Variants in RBKS observed in about 807,000 individuals in gnomAD.
RBKS encodes the protein ribokinase.
RBKS carries 33 observed loss-of-function variants against 33.9 expected under a neutral mutation model. That is an observed-to-expected ratio of 0.97 (90% CI 0.74 to 1.30). The LOEUF (loss-of-function observed/expected upper bound fraction) is 1.30, where lower values mean the gene tolerates loss of function less well. RBKS is among the 50% of genes most tolerant of loss of function. The probability of loss-of-function intolerance (pLI) is 0.00; values close to 1 mark genes in which losing one functional copy is unlikely to be tolerated. For missense variants in RBKS, 361 were observed against 392.6 expected (o/e 0.92, Z 0.68); for synonymous variants, 125 against 143.0 (o/e 0.87, Z 0.90).
intron 7 of RBKS, among the ~76,000 whole-genome samples, chr2:27,805,378 A>G (rs1322182923): frequency 6.6e-6 from 1 of 152,132 alleles, no homozygotes; most frequent in African/African-American, 2.4e-5. Flanking sequence ...TCCTCCTTGA[A>G]GGTCCAGACA....
At chr2:27,864,202 T>C (rs1298481702) in intron 1 of RBKS, among the ~76,000 whole-genome samples, 1 of 151,898 alleles carries the variant, frequency 6.6e-6, no homozygotes, top group African/African-American at 2.4e-5. Context: ...AATTTTTTTT[T>C]TGTAGAAATG....
chr2:27,799,858 C>T (rs1245735881), intron 7 of RBKS, among the ~76,000 whole-genome samples: 2 of 152,142 alleles, frequency 1.3e-5, no homozygotes, highest in Non-Finnish European at 2.9e-5. Flanking sequence ...CGCTCTCTTC[C>T]AAGTTCTAAA....
chr2:27,782,047 C>A (rs1421160921), intron 7 of RBKS, among the ~76,000 whole-genome samples: 3 of 152,118 alleles, frequency 2.0e-5, no homozygotes, highest in African/African-American at 7.2e-5. Context: ...GCTTAATGTC[C>A]TTTTTCTGTT....
intron 1 of RBKS, chr2:27,861,658 C>CTT: frequency 3.1e-6 from 1 of 317,710 alleles, no homozygotes; most frequent in Admixed American, 4.2e-5. Context: ...TGTTCCATTT[C>CTT]TTTTTGGGGG....
intron 4 of RBKS, among the ~76,000 whole-genome samples, chr2:27,844,999 T>C (rs1056149100): frequency 3.3e-5 from 5 of 152,232 alleles, no homozygotes; most frequent in Non-Finnish European, 7.3e-5. Context: ...GATGTGTTTG[T>C]TGGCCACGAG....
chr2:27,818,039 G>A (rs367997830), intron 7 of RBKS, among the ~76,000 whole-genome samples: 3 of 152,262 alleles, frequency 2.0e-5, no homozygotes, highest in African/African-American at 7.2e-5. Flanking sequence ...AGCTGGAGTT[G>A]CATCATGGTG....
At chr2:27,815,637 T>C (rs1336455489) in intron 7 of RBKS, among the ~76,000 whole-genome samples, 2 of 152,172 alleles carry the variant, frequency 1.3e-5, no homozygotes, top group Non-Finnish European at 2.9e-5. Flanking sequence ...CCTAGGAAGA[T>C]GGGCGAGGAG....
chr2:27,801,051 A>G (rs1486792006), intron 7 of RBKS, among the ~76,000 whole-genome samples: 2 of 152,174 alleles, frequency 1.3e-5, no homozygotes, highest in Non-Finnish European at 2.9e-5. Context: ...AGTAATGCCA[A>G]CTTGATGGAG....
intron 7 of RBKS, among the ~76,000 whole-genome samples, chr2:27,792,408 A>T (rs980964690): frequency 6.6e-6 from 1 of 152,264 alleles, no homozygotes; most frequent in Non-Finnish European, 1.5e-5. Context: ...ATTAAAAAAC[A>T]GCTCAACTTT....
intron 5 of RBKS, 149 bp downstream of exon 5, chr2:27,842,918 T>TCA: frequency 1.9e-6 from 1 of 528,530 alleles, no homozygotes. Context: ...TCTAACATTA[T>TCA]CAAGAACCAC....
At chr2:27,858,704 C>T (rs756151948) in intron 1 of RBKS, 133 bp from the exon 2 acceptor site, 23 of 713,590 alleles carry the variant, frequency 3.2e-5, no homozygotes, top group Non-Finnish European at 3.9e-5. Context: ...GCAGAAGCAA[C>T]GAAGATTATC....
chr2:27,785,922 G>T (rs965241105), intron 7 of RBKS, among the ~76,000 whole-genome samples: 4 of 152,136 alleles, frequency 2.6e-5, no homozygotes, highest in Non-Finnish European at 5.9e-5. Context: ...CAAAACGCTG[G>T]AAACCATCTG....
intron 5 of RBKS, among the ~76,000 whole-genome samples, chr2:27,834,967 G>A (rs1678487999): frequency 3.9e-5 from 6 of 152,118 alleles, no homozygotes; most frequent in Admixed American, 3.9e-4. Flanking sequence ...TTTACTAAAG[G>A]GGATTGGTTT....
At chr2:27,794,624 CTTTTTTT>C (rs199640528) in intron 7 of RBKS, among the ~76,000 whole-genome samples, 34,809 of 139,188 alleles carry the variant, frequency 0.25, 4,820 homozygotes, top group East Asian at 0.6. Flanking sequence ...GTTTTTTTTT[CTTTTTTT>C]TTTTTTTTGA....
intron 6 of RBKS, among the ~76,000 whole-genome samples, chr2:27,830,462 C>A (rs1427360008): frequency 4.0e-5 from 6 of 151,422 alleles, no homozygotes; most frequent in Non-Finnish European, 5.9e-5. Flanking sequence ...GACGGGGTTT[C>A]ACCATGTTGG....
intron 7 of RBKS, among the ~76,000 whole-genome samples, chr2:27,815,215 C>T (rs1202992315): frequency 6.6e-6 from 1 of 151,874 alleles, no homozygotes; most frequent in Admixed American, 6.6e-5. Flanking sequence ...TTTTTTTTCC[C>T]CCCTCTTTTT....
intron 7 of RBKS, among the ~76,000 whole-genome samples, chr2:27,824,123 A>C (rs1312917938): frequency 6.6e-6 from 1 of 152,228 alleles, no homozygotes. Flanking sequence ...TCATAGAAAT[A>C]AAATCATAAT....
chr2:27,789,501 C>T (rs1171173663), intron 7 of RBKS, among the ~76,000 whole-genome samples: 1 of 150,898 alleles, frequency 6.6e-6, no homozygotes, highest in Non-Finnish European at 1.5e-5. Flanking sequence ...TGGGTTCAAG[C>T]AATCCTCCCA....
At chr2:27,860,790 C>T in intron 1 of RBKS, among the ~76,000 whole-genome samples, 1 of 152,126 alleles carries the variant, frequency 6.6e-6, no homozygotes, top group Admixed American at 6.5e-5. Flanking sequence ...GCATCCTTCC[C>T]CTACTCTTGT....
Sources: gnomAD v4.1 joint callset for allele counts (sites outside exome capture counted in the v4.1 genomes callset) on GRCh38, gnomAD v4.1.1 for gene constraint, MANE v1.5 for transcripts, NCBI Gene and HGNC (gene_info 2026-07-23, HGNC 2026-07-21) for gene names.